ASIP: variants seen among roughly 807,000 people sequenced by gnomAD.
ASIP encodes the protein agouti-signaling protein.
Under a neutral mutation model 10.3 loss-of-function variants are expected in ASIP, and 11 were observed. The observed-to-expected ratio is 1.07, with a 90% CI of 0.68 to 1.78. The LOEUF (loss-of-function observed/expected upper bound fraction) is 1.78, where lower values mean the gene tolerates loss of function less well. Among genes scored for constraint, ASIP ranks in the 40% most tolerant of loss-of-function variants. The pLI, the probability that ASIP is intolerant of heterozygous loss-of-function variation, is 0.00. For synonymous variants in ASIP, 70 were observed against 70.8 expected (o/e 0.99, Z 0.06); for missense variants, 180 against 169.2 (o/e 1.06, Z -0.35).
chr20:34,194,836 T>C (rs2034844585), intron 1 of ASIP: 1 of 152,238 alleles, frequency 6.6e-6, no homozygotes, highest in Admixed American at 6.5e-5. Flanking sequence ...ATATCTATGC[T>C]ATAGTAATAT....
At chr20:34,199,420 T>C (rs567669635) in intron 1 of ASIP, among the ~76,000 whole-genome samples, 2 of 152,208 alleles carry the variant, frequency 1.3e-5, no homozygotes, top group Non-Finnish European at 2.9e-5. Flanking sequence ...TTGTATCATT[T>C]TACACTCCCA....
intron 1 of ASIP, among the ~76,000 whole-genome samples, chr20:34,251,757 A>C (rs1174848453): frequency 6.6e-6 from 1 of 152,198 alleles, no homozygotes; most frequent in Non-Finnish European, 1.5e-5. Context: ...ATGGTGGCAG[A>C]GCCCTCATGA....
chr20:34,206,185 C>T (rs1026067435), intron 1 of ASIP, among the ~76,000 whole-genome samples: 6 of 151,994 alleles, frequency 3.9e-5, no homozygotes, highest in South Asian at 2.1e-4. Flanking sequence ...TTAGTAGAGA[C>T]GGGGTTTCAC....
intron 1 of ASIP, among the ~76,000 whole-genome samples, chr20:34,233,783 T>C (rs2035142765): frequency 6.6e-6 from 1 of 152,184 alleles, no homozygotes; most frequent in Admixed American, 6.5e-5. Context: ...CACAATGATG[T>C]GGCCACAATT....
Position 34,227,414 on chromosome 20 carries a change from C to T in ASIP, c.-11+32654C>T, listed in dbSNP as rs1196416111. On this transcript the variant is annotated intron_variant, in intron 1 of 3. Transcript: ENST00000568305. ...TAGGGAGGCCGAGGCAGGCGGATCA[C>T]GAGGTCAAGAGATCGAGACCATCCT... is the stretch of plus-strand genomic sequence containing the variant. Among the ~76,000 whole-genome samples the T allele has an allele frequency of 3.3e-5, 5 of 151,968 alleles. No homozygotes were observed. The South Asian group carries it at 6.2e-4, about 19-fold the overall frequency.
chr20:34,237,898 CAATT>C (rs1347686029), upstream of ASIP, among the ~76,000 whole-genome samples: 1 of 152,060 alleles, frequency 6.6e-6, no homozygotes, highest in Non-Finnish European at 1.5e-5. Context: ...TTTCCTGCAT[CAATT>C]GAGATAATCT....
upstream of ASIP, among the ~76,000 whole-genome samples, chr20:34,192,151 C>T (rs939064031): frequency 6.6e-6 from 1 of 152,192 alleles, no homozygotes; most frequent in Non-Finnish European, 1.5e-5. Context: ...ATTCTTCTGC[C>T]TCAGCCTCCC....
upstream of ASIP, among the ~76,000 whole-genome samples, chr20:34,237,611 C>T (rs751818068): frequency 5.4e-4 from 82 of 152,280 alleles, no homozygotes; most frequent in Admixed American, 3.3e-3. Flanking sequence ...GATCATTTTA[C>T]TCCTTCCTTT....
intron 1 of ASIP, among the ~76,000 whole-genome samples, chr20:34,247,410 C>T (rs1242780026): frequency 6.6e-6 from 1 of 150,944 alleles, no homozygotes. Flanking sequence ...AAGCGATTCT[C>T]CTGCCTCAGC....
At chr20:34,191,378 C>A (rs918454162), upstream of ASIP, among the ~76,000 whole-genome samples, 3 of 152,066 alleles carry the variant, frequency 2.0e-5, no homozygotes, top group African/African-American at 4.8e-5. Flanking sequence ...GCATGAAGAC[C>A]TCTGCTGAGG....
upstream of ASIP, among the ~76,000 whole-genome samples, chr20:34,193,448 T>C (rs1296548044): frequency 6.6e-6 from 1 of 152,038 alleles, no homozygotes; most frequent in Non-Finnish European, 1.5e-5. Flanking sequence ...TTTTTTCCAG[T>C]TACATTAAAA....
intron 1 of ASIP, chr20:34,214,503 C>A: frequency 6.6e-7 from 1 of 1,506,466 alleles, no homozygotes; most frequent in Non-Finnish European, 9.2e-7. Context: ...CTTCTGCCAA[C>A]ATATACAGCA....
At chr20:34,267,401 G>A (rs886949073) in intron 3 of ASIP, among the ~76,000 whole-genome samples, 3 of 144,322 alleles carry the variant, frequency 2.1e-5, no homozygotes, top group Non-Finnish European at 4.5e-5. Context: ...GCCAGGCGCG[G>A]TGGCTCACAT....
intron 3 of ASIP, among the ~76,000 whole-genome samples, 180 bp from the exon 4 acceptor site, chr20:34,268,811 A>T (rs1046387633): frequency 3.3e-5 from 5 of 151,806 alleles, no homozygotes; most frequent in African/African-American, 1.2e-4. Context: ...AGAGCCAGGT[A>T]AGTCTGGATG....
chr20:34,227,401 G>A lies in ASIP; in HGVS notation c.-11+32641G>A, dbSNP rs184519060. ...TAATCCTAGTACTTAGGGAGGCCGA[G>A]GCAGGCGGATCACGAGGTCAAGAGA... On this transcript the variant is annotated intron_variant, in intron 1 of 3. Coordinates refer to the ASIP transcript ENST00000568305. Among the ~76,000 whole-genome samples the A allele has an allele frequency of 5.7e-3, 865 of 152,226 alleles. 7 individuals carry two copies. Among genetic ancestry groups the A allele is most frequent in the Non-Finnish European group, 8.8e-3 (599 of 68,008 alleles).
rs1243564794 is a variant in ASIP at position 34,269,053 on chromosome 20, C to T, written c.285C>T (p.Ala95=). ...CCCCCCTATCTGCGCCCTGCGTGGC[C>T]ACCCGCAACAGCTGCAAGCCGCCGG... ...PRTPLSAPCV[A]TRNSCKPPAP... Residue 95 remains alanine, a synonymous_variant, in exon 4 of 4, where the codon GCC becomes GCT. Transcript: ENST00000374954. The T allele has an allele frequency of 4.4e-6, 7 of 1,601,740 alleles. No homozygotes were observed. The highest frequency in any genetic ancestry group is 1.7e-4 in the Middle Eastern group (1 of 6,040).
At chr20:34,199,407 T>C (rs549660062) in intron 1 of ASIP, among the ~76,000 whole-genome samples, 1 of 152,178 alleles carries the variant, frequency 6.6e-6, no homozygotes, top group Non-Finnish European at 1.5e-5. Context: ...TTTTCCAAAA[T>C]GATTGTATCA....
intron 1 of ASIP, chr20:34,215,489 T>C: frequency 1.3e-6 from 2 of 1,529,074 alleles, no homozygotes; most frequent in South Asian, 1.1e-5. Flanking sequence ...CCCCTTGGAT[T>C]TAGGTCCACT....
chr20:34,248,084 T>A (rs1237031655), intron 1 of ASIP, among the ~76,000 whole-genome samples: 1 of 152,112 alleles, frequency 6.6e-6, no homozygotes, highest in Non-Finnish European at 1.5e-5. Context: ...TGGGCGCCTG[T>A]AATCCCAGCT....
Sources: gnomAD v4.1 joint callset for allele counts (sites outside exome capture counted in the v4.1 genomes callset) on GRCh38, gnomAD v4.1.1 for gene constraint, MANE v1.5 for transcripts, NCBI Gene and HGNC (gene_info 2026-07-23, HGNC 2026-07-21) for gene names.